The following KIAA1328 variants were observed in gnomAD, a reference collection of about 807,000 sequenced individuals.
KIAA1328 encodes KIAA1328, also known as protein hinderin.
KIAA1328 carries 52 observed loss-of-function variants against 68.1 expected under a neutral mutation model. That is an observed-to-expected ratio of 0.76 (90% CI 0.61 to 0.96). KIAA1328 has a LOEUF of 0.96. Ranked by LOEUF, KIAA1328 falls within the 40% of genes least tolerant of loss-of-function variation. The pLI is 0.00. For missense variants in KIAA1328, 641 were observed against 677.6 expected, an observed-to-expected ratio of 0.95 and a Z score of 0.60; for synonymous variants, 232 against 239.4, an observed-to-expected ratio of 0.97 and a Z score of 0.28.
At chr18:36,931,915 G>C (rs568700731) in intron 5 of KIAA1328, among the ~76,000 whole-genome samples, 1 of 151,770 alleles carries the variant, frequency 6.6e-6, no homozygotes. Context: ...ATGATTTTGC[G>C]CATAGAATTC....
intron 6 of KIAA1328, among the ~76,000 whole-genome samples, chr18:37,033,646 A>G (rs2054917378): frequency 6.6e-6 from 1 of 152,186 alleles, no homozygotes; most frequent in Admixed American, 6.5e-5. Flanking sequence ...GTTTCACTCT[A>G]CATATGTGCA....
chr18:37,180,760 G>A (rs1373826787), intron 9 of KIAA1328, among the ~76,000 whole-genome samples: 1 of 152,038 alleles, frequency 6.6e-6, no homozygotes, highest in Non-Finnish European at 1.5e-5. Context: ...TAGCAGGAGA[G>A]AGGAATAAGA....
intron 9 of KIAA1328, among the ~76,000 whole-genome samples, chr18:37,196,036 T>C (rs1171161982): frequency 6.6e-6 from 1 of 152,102 alleles, no homozygotes; most frequent in Admixed American, 6.5e-5. Flanking sequence ...AATTTATTCC[T>C]ATTTTTTTGT....
intron 6 of KIAA1328, among the ~76,000 whole-genome samples, chr18:37,016,532 A>G (rs1220456939): frequency 1.3e-5 from 2 of 152,158 alleles, no homozygotes; most frequent in Non-Finnish European, 2.9e-5. Context: ...TTTCAGTAGA[A>G]TTGGTACCAG....
intron 6 of KIAA1328, among the ~76,000 whole-genome samples, chr18:36,962,578 ACTC>A (rs1301636898): frequency 3.3e-5 from 5 of 152,160 alleles, no homozygotes; most frequent in Non-Finnish European, 4.4e-5. Context: ...GAAGTAAAGC[ACTC>A]CTCAGCAAAT....
intron 6 of KIAA1328, among the ~76,000 whole-genome samples, chr18:37,060,263 A>G (rs2056096013): frequency 1.3e-5 from 2 of 152,148 alleles, no homozygotes; most frequent in South Asian, 4.1e-4. Context: ...AATTTGTACA[A>G]AGTTGTTCCT....
intron 8 of KIAA1328, among the ~76,000 whole-genome samples, chr18:37,168,037 C>T (rs142513389): frequency 3.3e-5 from 5 of 152,272 alleles, no homozygotes; most frequent in Admixed American, 1.3e-4. Context: ...TGAGATTTAG[C>T]CCAGGAATAC....
At chr18:37,180,334 A>G (rs2586783) in intron 9 of KIAA1328, among the ~76,000 whole-genome samples, 15,119 of 152,152 alleles carry the variant, frequency 0.099, 2,532 homozygotes, top group African/African-American at 0.34. Flanking sequence ...ACATAGTAGG[A>G]AGCAGAAAAG....
chr18:37,015,679 C>A (rs2054128672), intron 6 of KIAA1328, among the ~76,000 whole-genome samples: 1 of 152,094 alleles, frequency 6.6e-6, no homozygotes, highest in Non-Finnish European at 1.5e-5. Context: ...TTTCTTTCTG[C>A]AGTGTTTTGT....
At chr18:37,006,234 G>A (rs1040051133) in intron 6 of KIAA1328, among the ~76,000 whole-genome samples, 2 of 151,948 alleles carry the variant, frequency 1.3e-5, no homozygotes, top group African/African-American at 4.8e-5. Flanking sequence ...GATTTTAGTG[G>A]TGAAGATGTA....
intron 6 of KIAA1328, among the ~76,000 whole-genome samples, chr18:37,054,114 A>T (rs1392679711): frequency 6.6e-6 from 1 of 152,242 alleles, no homozygotes; most frequent in Non-Finnish European, 1.5e-5. Context: ...ATACCATCTT[A>T]CATCAGTCAA....
intron 4 of KIAA1328, among the ~76,000 whole-genome samples, chr18:36,847,503 T>A (rs2047068385): frequency 6.6e-6 from 1 of 151,544 alleles, no homozygotes; most frequent in South Asian, 2.1e-4. Flanking sequence ...ACTAATGTGA[T>A]TATTGGTGTG....
chr18:36,889,187 C>G (rs2048598426), intron 5 of KIAA1328, among the ~76,000 whole-genome samples: 1 of 152,290 alleles, frequency 6.6e-6, no homozygotes, highest in African/African-American at 2.4e-5. Context: ...TTCTGGAGAA[C>G]TTAACCATGT....
intron 7 of KIAA1328, among the ~76,000 whole-genome samples, chr18:37,071,345 T>C (rs1043376710): frequency 6.6e-6 from 1 of 152,100 alleles, no homozygotes; most frequent in African/African-American, 2.4e-5. Flanking sequence ...AGTGCTGGGA[T>C]TACAGGCATA....
At chr18:37,201,027 G>C (rs2060103592) in intron 9 of KIAA1328, among the ~76,000 whole-genome samples, 1 of 152,124 alleles carries the variant, frequency 6.6e-6, no homozygotes, top group African/African-American at 2.4e-5. Flanking sequence ...AGGGGGAAGG[G>C]GAGATGTCTC....
Position 36,994,107 on chromosome 18 carries a change from C to A in KIAA1328, c.576+34672C>A, listed in dbSNP as rs886074959. On this transcript the variant is annotated intron_variant, in intron 6 of 9. Coordinates refer to ENST00000280020, the MANE Select transcript of KIAA1328 (RefSeq NM_020776.3). ...ATTTTCCATTTCAAGAAAATTTATA[C>A]CCTGTAGTAGTTTAATTAAAATTAA... Among the ~76,000 whole-genome samples the A allele has an allele frequency of 5.9e-5, 9 of 151,876 alleles. 1 individual carries two copies. The highest frequency in any genetic ancestry group is 1.2e-4 in the Non-Finnish European group (8 of 67,956).
At chr18:37,085,489 G>A (rs1000210873) in intron 7 of KIAA1328, among the ~76,000 whole-genome samples, 1 of 152,104 alleles carries the variant, frequency 6.6e-6, no homozygotes, top group East Asian at 1.9e-4. Flanking sequence ...TATTTTTTTA[G>A]GTGGATAGTT....
At chr18:37,004,858 C>T (rs1247065671) in intron 6 of KIAA1328, among the ~76,000 whole-genome samples, 3 of 152,050 alleles carry the variant, frequency 2.0e-5, no homozygotes, top group Non-Finnish European at 4.4e-5. Context: ...CCCAGATGCC[C>T]ATCAGTCAAT....
chr18:36,990,399 G>A (rs1035729950), intron 6 of KIAA1328, among the ~76,000 whole-genome samples: 1 of 151,866 alleles, frequency 6.6e-6, no homozygotes, highest in African/African-American at 2.4e-5. Flanking sequence ...TTTGAGCCAG[G>A]CATGGTGGCT....
Sources: allele counts gnomAD v4.1 joint callset (sites outside exome capture counted in the v4.1 genomes callset), GRCh38; gene constraint gnomAD v4.1.1; transcripts MANE v1.5; gene names NCBI Gene and HGNC (gene_info 2026-07-23, HGNC 2026-07-21).